EHMT1: variants seen among roughly 807,000 people sequenced by gnomAD.
EHMT1 encodes euchromatic histone lysine methyltransferase 1.
In EHMT1, 15 loss-of-function variants were observed where a neutral mutation model predicts 147.2. That is an observed-to-expected ratio of 0.10 (90% CI 0.07 to 0.16). EHMT1 has a LOEUF of 0.16. Ranked by LOEUF, EHMT1 falls within the 10% of genes least tolerant of loss-of-function variation. EHMT1 has a pLI of 1.00. For synonymous variants in EHMT1, 795 were observed against 709.6 expected (o/e 1.12, Z -1.91); for missense variants, 1,587 against 1,772.4 (o/e 0.90, Z 1.88).
rs1025233065 is a variant in EHMT1 at position 137,828,406 on chromosome 9, C to CA, written c.3541-5942dup. 6.6e-6 allele frequency among the ~76,000 whole-genome samples: 1 copy of CA among 151,868 alleles called. No individual in the cohort carries two copies. The highest frequency in any genetic ancestry group is 1.5e-5 in the Non-Finnish European group (1 of 67,956). ...AGGGAGTCTGGGCTGGGTCATCAGG[C>CA]ATGACCATTGCCAAGGCCACATCCT... On this transcript the variant is annotated intron_variant, in intron 25 of 26. Transcript: ENST00000460843. This position sits in a 1 kb window ranked among gnomAD's most constrained non-coding sequence, Gnocchi z 5.3.
rs1449189664 is a variant in EHMT1 at position 137,634,726 on chromosome 9, A to G, written c.21+15677A>G. ...TTCTTTCTTTTTTTTTTTTTTTGAC[A>G]GAGTCTCTCTCTATCGCCCAGGCTG... On this transcript the variant is annotated intron_variant, in intron 1 of 26. Coordinates refer to ENST00000460843, the MANE Select transcript of EHMT1 (RefSeq NM_024757.5). Among the ~76,000 whole-genome samples the G allele has an allele frequency of 8.1e-4, 100 of 123,378 alleles. 1 individual carries two copies. The highest frequency in any genetic ancestry group is 2.8e-4 in the Non-Finnish European group (17 of 61,068). 80.9% of individuals were successfully genotyped at this position (123,378 alleles called of 152,430 possible). A position where few individuals can be genotyped will look rare whatever the true frequency, so the allele number is the denominator to read the frequency against.
intron 22 of EHMT1, 50 bp from the exon 23 acceptor site, chr9:137,815,897 T>C (rs747253260): frequency 6.8e-7 from 1 of 1,462,166 alleles, no homozygotes; most frequent in Non-Finnish European, 9.4e-7. Context: ...GTCAGTTCAA[T>C]TAAAGAGTGA....
At chr9:137,821,933 T>C (rs984542551) in intron 25 of EHMT1, among the ~76,000 whole-genome samples, 1 of 152,232 alleles carries the variant, frequency 6.6e-6, no homozygotes, top group Non-Finnish European at 1.5e-5. Context: ...TTTTTTTCTC[T>C]TGGATCAACT....
At position 137,686,350 on chromosome 9, in the gene EHMT1, T is replaced by G. The variant is rs544198836; in HGVS notation, c.22-24617T>G. ...GAGTTTTATAGTTTTATCTCATATT[T>G]GTTTTTTTTATCTATTTTGAGGCAG... is the stretch of plus-strand genomic sequence containing the variant. On this transcript the variant is annotated intron_variant, in intron 1 of 26. Transcript: ENST00000460843. 2.6e-4 allele frequency among the ~76,000 whole-genome samples: 39 copies of G among 151,860 alleles called. 2 individuals are homozygous for G. The South Asian group carries it at 8.1e-3, about 32-fold the overall frequency.
At chr9:137,796,151 T>C (rs1384548549) in intron 16 of EHMT1, among the ~76,000 whole-genome samples, 1 of 152,128 alleles carries the variant, frequency 6.6e-6, no homozygotes, top group Non-Finnish European at 1.5e-5. Context: ...GAAGCGCGCT[T>C]GCACGTGGCA....
intron 14 of EHMT1, among the ~76,000 whole-genome samples, chr9:137,781,070 G>GA (rs1564748202): frequency 3.1e-4 from 38 of 122,436 alleles, no homozygotes; most frequent in East Asian, 1.3e-3. Flanking sequence ...TGATGACGCC[G>GA]GGATGTGTGG....
chr9:137,749,611 C>T (rs1948817450), intron 6 of EHMT1, among the ~76,000 whole-genome samples: 1 of 152,144 alleles, frequency 6.6e-6, no homozygotes, highest in Non-Finnish European at 1.5e-5. Context: ...CTTCTTAATT[C>T]TGATGTCAGT....
intron 1 of EHMT1, among the ~76,000 whole-genome samples, chr9:137,684,111 CTG>C (rs1942216618): frequency 2.0e-5 from 3 of 152,152 alleles, no homozygotes; most frequent in South Asian, 2.1e-4. Context: ...TCACGGCTCA[CTG>C]TAGCCTCGAC....
chr9:137,719,359 C>T (rs559491360), intron 3 of EHMT1, among the ~76,000 whole-genome samples: 2 of 152,232 alleles, frequency 1.3e-5, no homozygotes, highest in South Asian at 4.1e-4. Context: ...GGCTGGACTG[C>T]TGGCTCCTCA....
intron 1 of EHMT1, among the ~76,000 whole-genome samples, chr9:137,652,727 C>CT (rs60537357): frequency 0.029 from 3,948 of 134,434 alleles, 159 homozygotes; most frequent in African/African-American, 0.089. Flanking sequence ...AGAAGTTAAA[C>CT]TTTTTTTTTT....
rs192104816 is a variant in EHMT1, at chr9:137,684,454, C to G, written c.22-26513C>G. On this transcript the variant is annotated intron_variant, in intron 1 of 26. Transcript: ENST00000460843. ...GCCCCTTCATTCCTAAATACATTAG[C>G]GTGTATTTCCTACAAAGCCATTATT... 1.1e-4 allele frequency among the ~76,000 whole-genome samples: 17 copies of G among 152,192 alleles called. No homozygotes were observed. The East Asian group carries it at 3.3e-3, about 29-fold the overall frequency.
At chr9:137,656,936 T>C (rs1938519380) in intron 1 of EHMT1, among the ~76,000 whole-genome samples, 1 of 152,024 alleles carries the variant, frequency 6.6e-6, no homozygotes, top group Admixed American at 6.6e-5. Flanking sequence ...AGACAGGGTT[T>C]CACCATTTTG....
At chr9:137,729,305 T>C (rs1355401046) in intron 4 of EHMT1, among the ~76,000 whole-genome samples, 2 of 152,178 alleles carry the variant, frequency 1.3e-5, no homozygotes, top group African/African-American at 4.8e-5. Context: ...ATACTTTTTA[T>C]TGGCCAGGCA....
chr9:137,817,165 G>T, intron 23 of EHMT1: 1 of 530,914 alleles, frequency 1.9e-6, no homozygotes, highest in South Asian at 2.0e-5. Context: ...GCCCAGCTCT[G>T]TCCCCATGTT....
intron 18 of EHMT1, chr9:137,802,805 T>A (rs1953612388): frequency 8.1e-7 from 1 of 1,231,752 alleles, no homozygotes; most frequent in Non-Finnish European, 1.0e-6. Context: ...CATGACTGTA[T>A]CCAGGGGGTT....
chr9:137,794,169 C>G (rs965486310), intron 16 of EHMT1, among the ~76,000 whole-genome samples: 2 of 152,148 alleles, frequency 1.3e-5, no homozygotes, highest in African/African-American at 4.8e-5. Flanking sequence ...CTTTGAAACA[C>G]CTAAATGGCT....
chr9:137,793,733 A>G (rs910139523), intron 16 of EHMT1, among the ~76,000 whole-genome samples: 1 of 152,204 alleles, frequency 6.6e-6, no homozygotes, highest in African/African-American at 2.4e-5. Context: ...ATTTTGACCT[A>G]TGAACAGCAT....
intron 3 of EHMT1, among the ~76,000 whole-genome samples, chr9:137,722,654 G>A (rs947588318): frequency 2.6e-5 from 4 of 152,080 alleles, no homozygotes; most frequent in African/African-American, 4.8e-5. Context: ...GAGGTGGTGC[G>A]GCAGAGACTG....
intron 1 of EHMT1, among the ~76,000 whole-genome samples, chr9:137,688,322 C>A (rs1053836892): frequency 3.3e-5 from 5 of 152,190 alleles, no homozygotes; most frequent in South Asian, 2.1e-4. Context: ...TTGTGCCCAG[C>A]GTGGAACTGT....
Sources: allele counts gnomAD v4.1 joint callset (sites outside exome capture counted in the v4.1 genomes callset), GRCh38; gene constraint gnomAD v4.1.1; non-coding constraint Gnocchi (gnomAD v3.1); transcripts MANE v1.5; gene names NCBI Gene and HGNC (gene_info 2026-07-23, HGNC 2026-07-21).